ADGRF5: variants seen among roughly 807,000 people sequenced by gnomAD.
ADGRF5 encodes adhesion G protein-coupled receptor F5, also known as G-protein coupled receptor 116.
Under a neutral mutation model 132.3 loss-of-function variants are expected in ADGRF5, and 75 were observed. That is an observed-to-expected ratio of 0.57 (90% CI 0.47 to 0.69). ADGRF5 has a LOEUF of 0.69. Ranked by LOEUF, ADGRF5 falls within the 30% of genes least tolerant of loss-of-function variation. The pLI is 0.00. For synonymous variants in ADGRF5, 629 were observed against 597.6 expected (o/e 1.05, Z -0.77); for missense variants, 1,516 against 1,630.6 (o/e 0.93, Z 1.21).
chr6:46,927,312 A>AG (rs1777302977), intron 1 of ADGRF5, among the ~76,000 whole-genome samples: 2 of 47,526 alleles, frequency 4.2e-5, no homozygotes, highest in East Asian at 5.2e-4. Context: ...GGGTGGGTGG[A>AG]GGGGGGTGGG....
In ADGRF5 at chr6:46,859,009, G is replaced by A. The variant is rs746481020; in HGVS notation, c.2894C>T (p.Thr965Ile). The change falls in exon 17 of 21, where the codon ACA (threonine) becomes ATA (isoleucine). Residue 965 changes from threonine to isoleucine, a missense_variant. Physicochemically the swap from Thr to Ile is moderately conservative, Grantham distance 89. Around this residue, in one of 2 missense-constraint regions of ADGRF5, gnomAD observed 571 missense variants for 701.2 expected, o/e 0.81. Coordinates refer to ENST00000283296, the MANE Select transcript of ADGRF5 (RefSeq NM_001098518.2). ...GCACCCACTGCTGTCCCACCCCCCT[G>A]TGTTGTTGGCAAGCCTGAAGTTCCA... is the stretch of plus-strand genomic sequence containing the variant. ...VFWNFRLANNTGGWDSSGCYV... is the reference protein window; with the variant it reads ...VFWNFRLANNIGGWDSSGCYV... 3.7e-6 allele frequency: 6 copies of A among 1,614,178 alleles called. No individual in the cohort carries two copies. In the South Asian group the frequency reaches 5.5e-5, roughly 15 times the overall value.
At chr6:46,910,448 G>C (rs543730759) in intron 1 of ADGRF5, among the ~76,000 whole-genome samples, 45 of 152,082 alleles carry the variant, frequency 3.0e-4, no homozygotes, top group Non-Finnish European at 5.9e-4. Context: ...CTTACTGGGT[G>C]CTCACTATAT....
At chr6:46,862,723 T>C (rs2150790083) in intron 15 of ADGRF5, among the ~76,000 whole-genome samples, 165 bp downstream of exon 15, 1 of 142,342 alleles carries the variant, frequency 7.0e-6, no homozygotes, top group African/African-American at 2.6e-5. Flanking sequence ...TTTTTTTTTT[T>C]TTTTTTGCAT....
intron 1 of ADGRF5, among the ~76,000 whole-genome samples, chr6:46,929,299 A>C (rs9369645): frequency 0.017 from 2,515 of 152,006 alleles, 79 homozygotes; most frequent in South Asian, 0.13. Context: ...CAATGAGAAC[A>C]CATGGACACA....
At chr6:46,866,235 T>G (rs1278637885) in intron 13 of ADGRF5, among the ~76,000 whole-genome samples, 7 of 152,168 alleles carry the variant, frequency 4.6e-5, no homozygotes, top group African/African-American at 1.4e-4. Flanking sequence ...CTATATTTTT[T>G]GGGGGAAACC....
chr6:46,904,276 T>C (rs1219682627), intron 2 of ADGRF5, among the ~76,000 whole-genome samples: 1 of 152,214 alleles, frequency 6.6e-6, no homozygotes, highest in Non-Finnish European at 1.5e-5. Flanking sequence ...TTATTCACAA[T>C]GGCCAAGAGG....
chr6:46,946,295 G>A (rs999334383), intron 1 of ADGRF5, among the ~76,000 whole-genome samples: 4 of 152,206 alleles, frequency 2.6e-5, no homozygotes, highest in African/African-American at 9.6e-5. Flanking sequence ...AGAGGAAGTG[G>A]AGAACAGTGT....
rs112402452 is a variant in ADGRF5, at chr6:46,950,608, G to A, written c.-25+4126C>T. Among the ~76,000 whole-genome samples the A allele has an allele frequency of 3.5e-3, 529 of 152,188 alleles. 2 individuals carry two copies. Among genetic ancestry groups the A allele is most frequent in the African/African-American group, 7.2e-3 (299 of 41,526 alleles). ...CAGCTCACTGAAACCTCCGCCTCCCGGGTTCAAGCAATTCTCCTGCCTCAG... is the reference window on the plus strand; with the variant it reads ...CAGCTCACTGAAACCTCCGCCTCCCAGGTTCAAGCAATTCTCCTGCCTCAG... On this transcript the variant is annotated intron_variant, in intron 1 of 20. Transcript: ENST00000265417.
At position 46,854,088 on chromosome 6, in the gene ADGRF5, C is replaced by G; in HGVS notation, c.3962-17G>C. On this transcript the variant is annotated splice_polypyrimidine_tract_variant and intron_variant, in intron 20 of 20. Coordinates refer to ENST00000283296, the MANE Select transcript of ADGRF5 (RefSeq NM_001098518.2). ...TATACGTTCCTGAAAAACAGAGCAG[C>G]AACTCAGCCTTGAAGACAAGCCATC... The G allele has an allele frequency of 6.4e-7, 1 of 1,573,874 alleles. No individual in the cohort carries two copies. The highest frequency in any genetic ancestry group is 1.4e-5 in the African/African-American group (1 of 72,790).
Position 46,906,138 on chromosome 6 carries a change from G to A in ADGRF5, c.102+523C>T, listed in dbSNP as rs1321130044. On this transcript the variant is annotated intron_variant, in intron 2 of 20. Coordinates refer to ENST00000283296, the MANE Select transcript of ADGRF5 (RefSeq NM_001098518.2). Reference sequence around the variant, plus strand: ...TGACTTTCCAAAGACAAAACCACCTGAATAATCTGTCAGCAAAGGTCTTCT... The same window carrying A: ...TGACTTTCCAAAGACAAAACCACCTAAATAATCTGTCAGCAAAGGTCTTCT... Among the ~76,000 whole-genome samples, 4 of 152,144 alleles carry A rather than the reference G, an allele frequency of 2.6e-5. No individual in the cohort carries two copies. In the East Asian group the frequency reaches 7.7e-4, roughly 29 times the overall value.
chr6:46,907,863 C>A (rs993465783), intron 1 of ADGRF5: 1 of 152,178 alleles, frequency 6.6e-6, no homozygotes, highest in African/African-American at 2.4e-5. Context: ...CTAATTCTCT[C>A]ACAGAGTTTT....
At chr6:46,929,186 T>C (rs1777413266) in intron 1 of ADGRF5, among the ~76,000 whole-genome samples, 1 of 152,108 alleles carries the variant, frequency 6.6e-6, no homozygotes, top group Non-Finnish European at 1.5e-5. Context: ...GTTCATGTCC[T>C]TTGTAGGGAC....
In ADGRF5 at chr6:46,871,937, C is replaced by T. The variant is rs1409637561; in HGVS notation, c.1317G>A (p.Gly439=). 2 of 1,612,214 alleles carry T rather than the reference C, an allele frequency of 1.2e-6. No individual in the cohort carries two copies. Among genetic ancestry groups the T allele is most frequent in the Non-Finnish European group, 8.5e-7 (1 of 1,178,902 alleles). The change falls in exon 11 of 21, where the codon GGG becomes GGA. Residue 439 remains glycine (G), a synonymous_variant. Coordinates refer to ENST00000283296, the MANE Select transcript of ADGRF5 (RefSeq NM_001098518.2). The stretch of plus-strand genomic sequence containing the variant: ...TGTAGATGACTGTTGTTCCAGACGA[C>T]CCGCTTGGGCACTGGGTTCCATCAG... The part of the protein sequence containing the change: ...LKADGTQCPS[G]SSGTTVIYTC...
intron 14 of ADGRF5, among the ~76,000 whole-genome samples, chr6:46,863,736 A>G (rs985689953): frequency 6.6e-6 from 1 of 152,208 alleles, no homozygotes; most frequent in Non-Finnish European, 1.5e-5. Context: ...TTTCTTTAAC[A>G]TTAAGATCTT....
chr6:46,899,661 TTTTTTTG>T (rs199826734), intron 3 of ADGRF5, among the ~76,000 whole-genome samples: 3 of 127,220 alleles, frequency 2.4e-5, no homozygotes, highest in Admixed American at 7.5e-5. Flanking sequence ...AAGAAGTTTT[TTTTTTTG>T]TTTGTTTTGT....
chr6:46,887,729 C>A (rs1266167153), intron 4 of ADGRF5, among the ~76,000 whole-genome samples: 1 of 152,202 alleles, frequency 6.6e-6, no homozygotes, highest in Non-Finnish European at 1.5e-5. Context: ...TAACTGGAAG[C>A]CTTATCTCAC....
At chr6:46,929,820 T>G (rs915520575) in intron 1 of ADGRF5, among the ~76,000 whole-genome samples, 9 of 151,966 alleles carry the variant, frequency 5.9e-5, no homozygotes, top group Non-Finnish European at 1.3e-4. Context: ...GTTATTATTA[T>G]TTATTATTGT....
chr6:46,873,376 T>C (rs1045745499), intron 10 of ADGRF5, among the ~76,000 whole-genome samples: 1 of 152,154 alleles, frequency 6.6e-6, no homozygotes, highest in Admixed American at 6.5e-5. Flanking sequence ...CCGAAAGTGT[T>C]CCTTTAAGGC....
intron 10 of ADGRF5, among the ~76,000 whole-genome samples, chr6:46,872,703 T>C (rs1484532782): frequency 6.6e-6 from 1 of 152,132 alleles, no homozygotes; most frequent in Non-Finnish European, 1.5e-5. Flanking sequence ...CCATGCCATC[T>C]TTCCTATTGC....
Sources: gnomAD v4.1 joint callset for allele counts (sites outside exome capture counted in the v4.1 genomes callset) on GRCh38, gnomAD v4.1.1 for gene constraint, gnomAD v4.1.1 regional missense constraint, MANE v1.5 for transcripts, NCBI Gene and HGNC (gene_info 2026-07-23, HGNC 2026-07-21) for gene names.